The following LYPD6 variants were observed in gnomAD, a reference collection of about 807,000 sequenced individuals.
The protein encoded by LYPD6 is LY6/PLAUR domain containing 6, also known as ly6/PLAUR domain-containing protein 6.
LYPD6 carries 15 observed loss-of-function variants against 22.7 expected under a neutral mutation model. The observed-to-expected ratio is 0.66, with a 90% CI of 0.44 to 1.02. The LOEUF (loss-of-function observed/expected upper bound fraction) is 1.02, where lower values mean the gene tolerates loss of function less well. Among genes scored for constraint, LYPD6 ranks in the 50% least tolerant of loss-of-function variants. The pLI, the probability that LYPD6 is intolerant of heterozygous loss-of-function variation, is 0.00. For missense variants in LYPD6, 189 were observed against 208.4 expected, an observed-to-expected ratio of 0.91 and a Z score of 0.57; for synonymous variants, 72 against 77.5, an observed-to-expected ratio of 0.93 and a Z score of 0.37.
At chr2:149,443,809 T>C (rs984452094) in intron 2 of LYPD6, among the ~76,000 whole-genome samples, 1 of 152,066 alleles carries the variant, frequency 6.6e-6, no homozygotes, top group Admixed American at 6.6e-5. Context: ...AAAGCAATTA[T>C]CACAATAAAG....
chr2:149,388,408 C>G (rs979019723), intron 1 of LYPD6, among the ~76,000 whole-genome samples: 1 of 152,096 alleles, frequency 6.6e-6, no homozygotes, highest in East Asian at 1.9e-4. Flanking sequence ...TAAAAACAAA[C>G]ATGAGGCATG....
At chr2:149,361,857 A>T (rs1196704) in intron 1 of LYPD6, among the ~76,000 whole-genome samples, 75,412 of 151,836 alleles carry the variant, frequency 0.5, 19,797 homozygotes, top group East Asian at 0.9. Flanking sequence ...TGGGGCTATT[A>T]TCTTATTATC....
At chr2:149,442,244 C>T (rs1683584428) in intron 2 of LYPD6, among the ~76,000 whole-genome samples, 1 of 152,074 alleles carries the variant, frequency 6.6e-6, no homozygotes, top group African/African-American at 2.4e-5. Context: ...CCTTTCAAAA[C>T]AAAAGTCTGT....
chr2:149,451,623 T>C (rs943624548), intron 3 of LYPD6, among the ~76,000 whole-genome samples: 5 of 152,214 alleles, frequency 3.3e-5, no homozygotes, highest in Non-Finnish European at 5.9e-5. Flanking sequence ...GGAAGTTCCA[T>C]CTTGATACTT....
intron 3 of LYPD6, among the ~76,000 whole-genome samples, chr2:149,455,609 C>T (rs931099488): frequency 2.0e-5 from 3 of 152,008 alleles, no homozygotes; most frequent in Non-Finnish European, 4.4e-5. Context: ...GACTTTTTTT[C>T]GTACACTGAG....
intron 1 of LYPD6, among the ~76,000 whole-genome samples, chr2:149,333,907 G>A (rs1317913447): frequency 1.3e-5 from 2 of 152,168 alleles, no homozygotes; most frequent in East Asian, 3.9e-4. Context: ...GGACTCCAAA[G>A]AAGGACATCA....
rs1475974908 is a variant in LYPD6 at position 149,473,939 on chromosome 2, AT to A, written c.*3090del. The A allele has an allele frequency of 6.6e-6, 1 of 152,096 alleles. No individual in the cohort carries two copies. Among genetic ancestry groups the A allele is most frequent in the African/African-American group, 2.4e-5 (1 of 41,444 alleles). The allele number at this position is 152,096 out of a possible 1,614,324, so 9.4% of individuals were successfully genotyped here. ...AAAAATTATGTGTGTATGTGTATGT[AT>A]ATATATATACCACCCTATTAACTAT... On this transcript the variant is annotated 3_prime_UTR_variant, in exon 5 of 5. Transcript: ENST00000334166.
At chr2:149,332,673 G>T (rs1335835024) in intron 1 of LYPD6, among the ~76,000 whole-genome samples, 3 of 151,966 alleles carry the variant, frequency 2.0e-5, no homozygotes, top group Non-Finnish European at 4.4e-5. Flanking sequence ...CTTCCTTTTT[G>T]GTGTTTACCT....
At chr2:149,374,610 G>A (rs1286686049) in intron 1 of LYPD6, among the ~76,000 whole-genome samples, 1 of 152,196 alleles carries the variant, frequency 6.6e-6, no homozygotes, top group Non-Finnish European at 1.5e-5. Flanking sequence ...GCTCTTAAGA[G>A]AAATGATCTA....
intron 1 of LYPD6, among the ~76,000 whole-genome samples, chr2:149,332,169 A>G (rs1033094294): frequency 3.3e-5 from 5 of 152,258 alleles, no homozygotes; most frequent in East Asian, 1.9e-4. Flanking sequence ...CAAAGGCACC[A>G]GACTGAAATA....
rs561148227 is a variant in LYPD6, at chr2:149,455,231, A to G, written c.217+6084A>G. On this transcript the variant is annotated intron_variant, in intron 3 of 4. Transcript: ENST00000334166. ...TTTCAGCTGGCATTATAATTCTCGG[A>G]ATTAGTCTTAGAACTTTTCTAGCAA... 1.1e-3 allele frequency among the ~76,000 whole-genome samples: 168 copies of G among 150,226 alleles called. 1 individual carries two copies. The highest frequency in any genetic ancestry group is 1.9e-3 in the Non-Finnish European group (131 of 67,656).
chr2:149,369,435 C>T (rs908923015), intron 1 of LYPD6, among the ~76,000 whole-genome samples: 3 of 152,184 alleles, frequency 2.0e-5, no homozygotes, highest in East Asian at 1.9e-4. Flanking sequence ...TTGAAGCCTC[C>T]TCAGATAATG....
At chr2:149,383,034 T>C (rs1236677201) in intron 1 of LYPD6, among the ~76,000 whole-genome samples, 1 of 152,110 alleles carries the variant, frequency 6.6e-6, no homozygotes, top group Non-Finnish European at 1.5e-5. Context: ...AACATTTCAA[T>C]AGGGTATTTT....
intron 1 of LYPD6, among the ~76,000 whole-genome samples, chr2:149,360,509 C>T (rs1681551754): frequency 6.6e-6 from 1 of 152,180 alleles, no homozygotes; most frequent in African/African-American, 2.4e-5. Context: ...ATACAGTATT[C>T]AGCTAGTCAT....
intron 3 of LYPD6, among the ~76,000 whole-genome samples, chr2:149,453,139 A>G (rs1395562180): frequency 6.6e-6 from 1 of 152,206 alleles, no homozygotes; most frequent in Non-Finnish European, 1.5e-5. Context: ...TACTCATTAT[A>G]AATCTGTTCA....
intron 1 of LYPD6, among the ~76,000 whole-genome samples, chr2:149,377,228 G>A (rs1443239315): frequency 1.3e-5 from 2 of 150,622 alleles, no homozygotes; most frequent in African/African-American, 4.9e-5. Flanking sequence ...GGAAACATGC[G>A]GAGTGATGTT....
Position 149,449,115 on chromosome 2 carries a change from A to G in LYPD6, c.185A>G (p.Asn62Ser). The G allele has an allele frequency of 1.2e-6, 2 of 1,613,392 alleles. No homozygotes were observed. The highest frequency in any genetic ancestry group is 1.6e-4 in the Middle Eastern group (1 of 6,062). The stretch of plus-strand genomic sequence containing the variant: ...AAGGCAGCAGACAATTATGAGTGCA[A>G]CCGATGGGCTCCAGACATCTACTGC... ...CEKAADNYEC[N>S]RWAPDIYCPR... Residue 62 changes from asparagine (N) to serine (S), a missense_variant, in exon 3 of 5, where the codon AAC (asparagine) becomes AGC (serine). Transcript: ENST00000334166.
At position 149,404,480 on chromosome 2, in the gene LYPD6, A is replaced by G. The variant is rs145519759; in HGVS notation, c.-71-33158A>G. ...TGTAAGTTGGATTCCTAGGTATTGT[A>G]TTCTCTTTGAAGCAGTTGTGAATGG... is the stretch of plus-strand genomic sequence containing the variant. On this transcript the variant is annotated intron_variant, in intron 1 of 4. Coordinates refer to ENST00000334166, the MANE Select transcript of LYPD6 (RefSeq NM_194317.5). 7.8e-3 allele frequency among the ~76,000 whole-genome samples: 1,192 copies of G among 152,228 alleles called. 15 individuals carry two copies. The highest frequency in any genetic ancestry group is 0.026 in the African/African-American group (1,077 of 41,522).
At chr2:149,482,068 G>T in the LYPD6 span, among the ~76,000 whole-genome samples, 1 of 152,172 alleles carries the variant, frequency 6.6e-6, no homozygotes, top group African/African-American at 2.4e-5. Flanking sequence ...GATGCAAATT[G>T]TACTGATCTT....
Sources: gnomAD v4.1 joint callset for allele counts (sites outside exome capture counted in the v4.1 genomes callset) on GRCh38, gnomAD v4.1.1 for gene constraint, MANE v1.5 for transcripts, NCBI Gene and HGNC (gene_info 2026-07-23, HGNC 2026-07-21) for gene names.